The following GLI2 variants were observed in gnomAD, a reference collection of about 807,000 sequenced individuals.
GLI2 encodes transcription activator GLI2.
In GLI2, 22 loss-of-function variants were observed where a neutral mutation model predicts 78.9. The observed-to-expected ratio is 0.28, with a 90% CI of 0.20 to 0.40. GLI2 has a LOEUF of 0.40. Ranked by LOEUF, GLI2 falls within the 10% of genes least tolerant of loss-of-function variation. GLI2 has a pLI of 1.00. For synonymous variants in GLI2, 974 were observed against 963.7 expected, an observed-to-expected ratio of 1.01 and a Z score of -0.20; for missense variants, 2,097 against 2,213.2, an observed-to-expected ratio of 0.95 and a Z score of 1.05.
intron 2 of GLI2, among the ~76,000 whole-genome samples, chr2:120,872,044 G>A (rs1379802534): frequency 3.9e-5 from 6 of 152,186 alleles, no homozygotes; most frequent in Non-Finnish European, 7.3e-5. Flanking sequence ...CTGTGCAGGC[G>A]GGTGAGGGGC....
rs190799006 is a variant in GLI2 at position 120,961,352 on chromosome 2, A to G, written c.643+5922A>G. ...GGGCTGCCAGAGGCCCAAGTCAGAC[A>G]GGGATCCCTTTCCGAGACAGGAAGG... On this transcript the variant is annotated intron_variant, in intron 5 of 13. Coordinates refer to ENST00000361492, the MANE Select transcript of GLI2 (RefSeq NM_001374353.1). 6.1e-4 allele frequency among the ~76,000 whole-genome samples: 93 copies of G among 152,294 alleles called. No individual in the cohort carries two copies. In the East Asian group the frequency reaches 0.017, roughly 28 times the overall value.
At chr2:120,796,412 C>G (rs540557310) in intron 1 of GLI2, among the ~76,000 whole-genome samples, 2 of 152,334 alleles carry the variant, frequency 1.3e-5, no homozygotes, top group African/African-American at 4.8e-5. Flanking sequence ...CCTTTTACAC[C>G]CGGAGTCAGT....
At chr2:120,806,907 T>C (rs915615349) in intron 2 of GLI2, among the ~76,000 whole-genome samples, 2 of 152,174 alleles carry the variant, frequency 1.3e-5, no homozygotes, top group Non-Finnish European at 2.9e-5. Flanking sequence ...AAGCTTGTGG[T>C]TCCCCCATGG....
At chr2:120,757,332 G>C (rs1189041090) in intron 1 of GLI2, among the ~76,000 whole-genome samples, 1 of 151,648 alleles carries the variant, frequency 6.6e-6, no homozygotes, top group Non-Finnish European at 1.5e-5. Flanking sequence ...ATATTCTTGA[G>C]CTTTCTTCTA....
chr2:120,803,358 TTGGGCACA>T (rs1684789281), intron 2 of GLI2, among the ~76,000 whole-genome samples: 1 of 108,656 alleles, frequency 9.2e-6, no homozygotes, highest in African/African-American at 2.6e-5. Context: ...TCGAAAAGTG[TTGGGCACA>T]GAGGGCCTTG....
At chr2:120,810,499 A>G (rs1379408763) in intron 2 of GLI2, among the ~76,000 whole-genome samples, 1 of 151,960 alleles carries the variant, frequency 6.6e-6, no homozygotes, top group East Asian at 1.9e-4. Flanking sequence ...TCATGGCCTC[A>G]TCCTGTCCTC....
At chr2:120,945,990 C>CACACACACACACACAG (rs1401104253) in intron 3 of GLI2, among the ~76,000 whole-genome samples, 1 of 151,692 alleles carries the variant, frequency 6.6e-6, no homozygotes, top group Non-Finnish European at 1.5e-5. Flanking sequence ...CACACACACA[C>CACACACACACACACAG]AGCTTTGTGC....
intron 5 of GLI2, 117 bp downstream of exon 5, chr2:120,955,547 C>G (rs893692376): frequency 1.8e-5 from 12 of 669,778 alleles, no homozygotes; most frequent in Non-Finnish European, 3.0e-5. Context: ...TCGGGCTGTA[C>G]CCCAATGCCT....
chr2:120,740,662 C>T (rs564437018), intron 1 of GLI2, among the ~76,000 whole-genome samples: 35 of 152,330 alleles, frequency 2.3e-4, no homozygotes, highest in Middle Eastern at 3.4e-3. Flanking sequence ...ACTTTTATCT[C>T]GCTTTTCCAT....
intron 2 of GLI2, among the ~76,000 whole-genome samples, chr2:120,900,086 G>T (rs2104778191): frequency 6.6e-6 from 1 of 152,348 alleles, no homozygotes; most frequent in South Asian, 2.1e-4. Context: ...TTTACTTTGA[G>T]TTCTGAGGCA....
chr2:120,884,832 G>A lies in GLI2; in HGVS notation c.149-42529G>A, dbSNP rs796705087. 5.3e-5 allele frequency among the ~76,000 whole-genome samples: 8 copies of A among 152,286 alleles called. No individual in the cohort carries two copies. The South Asian group carries it at 6.2e-4, about 12-fold the overall frequency. ...CGCCTCCTTGCTGGGAGAGTGGCGC[G>A]TGGGGGCCCAACATCTGCTCACCCC... is the stretch of plus-strand genomic sequence containing the variant. On this transcript the variant is annotated intron_variant, in intron 2 of 13. Coordinates refer to ENST00000361492, the MANE Select transcript of GLI2 (RefSeq NM_001374353.1).
chr2:120,830,969 ATCTC>A (rs530707843), intron 2 of GLI2, among the ~76,000 whole-genome samples: 3 of 131,132 alleles, frequency 2.3e-5, no homozygotes, highest in Non-Finnish European at 4.8e-5. Context: ...CTGCCTCCGT[ATCTC>A]TCTCTGTCTC....
At chr2:120,987,948 T>C (rs1683055367) in intron 13 of GLI2, among the ~76,000 whole-genome samples, 1 of 152,168 alleles carries the variant, frequency 6.6e-6, no homozygotes, top group Non-Finnish European at 1.5e-5. Flanking sequence ...AACCATCTGC[T>C]CACTGGGCAC....
chr2:120,743,440 C>CA (rs1253562590), intron 1 of GLI2, among the ~76,000 whole-genome samples: 2 of 151,202 alleles, frequency 1.3e-5, no homozygotes, highest in Non-Finnish European at 2.9e-5. Flanking sequence ...CCTGTCTCTA[C>CA]AAAAAAATAA....
At chr2:120,921,813 T>C (rs1424633572) in intron 2 of GLI2, among the ~76,000 whole-genome samples, 1 of 152,166 alleles carries the variant, frequency 6.6e-6, no homozygotes, top group African/African-American at 2.4e-5. Context: ...GCCTGGCTAG[T>C]GTGATAGGAC....
intron 1 of GLI2, among the ~76,000 whole-genome samples, chr2:120,767,121 A>G (rs1206657534): frequency 6.6e-6 from 1 of 152,174 alleles, no homozygotes; most frequent in Non-Finnish European, 1.5e-5. Context: ...ACCGACCTCT[A>G]CGTAACTTGT....
rs1442517700 is a variant in GLI2, at chr2:120,735,971, G to A, written c.-345G>A. Among the ~76,000 whole-genome samples, 1 of 151,978 alleles carries A rather than the reference G, an allele frequency of 6.6e-6. No individual in the cohort carries two copies. On this transcript the variant is annotated 5_prime_UTR_variant, in exon 1 of 14. Coordinates refer to ENST00000361492, the MANE Select transcript of GLI2 (RefSeq NM_001374353.1). ...ATGAGACTTCGAGGAGGAGCGGGCG[G>A]CGGCGGCGGCTGCGACTGCGAACGC...
intron 3 of GLI2, among the ~76,000 whole-genome samples, chr2:120,939,576 C>T (rs6541748): frequency 0.84 from 128,463 of 152,092 alleles, 57,968 homozygotes; most frequent in East Asian, 1. Flanking sequence ...AGGTATTCTT[C>T]GGGAACTTGC....
chr2:120,769,731 G>A (rs1013986085), intron 1 of GLI2, among the ~76,000 whole-genome samples: 8 of 152,320 alleles, frequency 5.3e-5, no homozygotes, highest in African/African-American at 1.9e-4. Flanking sequence ...CTGCTTCTGT[G>A]TGCATTTGCT....
Sources: gnomAD v4.1 joint callset for allele counts (sites outside exome capture counted in the v4.1 genomes callset) on GRCh38, gnomAD v4.1.1 for gene constraint, MANE v1.5 for transcripts, NCBI Gene and HGNC (gene_info 2026-07-23, HGNC 2026-07-21) for gene names.